Variants in TTYH3 observed in about 807,000 individuals in gnomAD.
TTYH3 encodes the protein protein tweety homolog 3.
A neutral mutation model predicts 68.2 loss-of-function variants in TTYH3; 23 were observed. The ratio of observed to expected loss-of-function variants is 0.34; its 90% CI spans 0.24 to 0.48. The LOEUF (loss-of-function observed/expected upper bound fraction) is 0.48. Among genes scored for constraint, TTYH3 ranks in the 20% least tolerant of loss-of-function variants. The pLI is 0.99. For synonymous variants in TTYH3, 360 were observed against 332.8 expected (o/e 1.08, Z -0.89); for missense variants, 768 against 727.7 (o/e 1.06, Z -0.64).
intron 8 of TTYH3, 29 bp downstream of exon 8, chr7:2,652,271 T>C: frequency 6.2e-7 from 1 of 1,604,446 alleles, no homozygotes; most frequent in Non-Finnish European, 8.5e-7. Flanking sequence ...GGGACTGGGC[T>C]TCAGGAGAGT....
intron 1 of TTYH3, among the ~76,000 whole-genome samples, chr7:2,643,588 C>G (rs909683891): frequency 6.6e-6 from 1 of 152,224 alleles, no homozygotes; most frequent in African/African-American, 2.4e-5. Context: ...CCCTGGGCAT[C>G]AGCCCTCTGC....
At chr7:2,637,257 C>T (rs1228412348) in intron 1 of TTYH3, among the ~76,000 whole-genome samples, 2 of 152,170 alleles carry the variant, frequency 1.3e-5, no homozygotes, top group African/African-American at 4.8e-5. Context: ...GCCGCTCTGA[C>T]CCCCGGCCGG....
chr7:2,643,333 C>G (rs10273972), intron 1 of TTYH3, among the ~76,000 whole-genome samples: 1 of 145,818 alleles, frequency 6.9e-6, no homozygotes. Context: ...CCAGCCTGGG[C>G]GACAGAGCGA....
intron 1 of TTYH3, among the ~76,000 whole-genome samples, chr7:2,637,503 C>T (rs536582559): frequency 5.0e-4 from 76 of 152,172 alleles, no homozygotes; most frequent in Non-Finnish European, 1.0e-3. Flanking sequence ...CCACGTCCGT[C>T]CCAGTGGATA....
chr7:2,645,936 C>T lies in TTYH3; in HGVS notation c.124-917C>T, dbSNP rs1163627436. The T allele has an allele frequency of 2.2e-6, 1 of 449,528 alleles. No homozygotes were observed. The highest frequency in any genetic ancestry group is 4.6e-6 in the Non-Finnish European group (1 of 215,568). 27.8% of individuals were successfully genotyped at this position (449,528 alleles called of 1,614,324 possible). A position where few individuals can be genotyped will look rare whatever the true frequency, so the allele number is the denominator to read the frequency against. On this transcript the variant is annotated intron_variant, in intron 1 of 13. Coordinates refer to ENST00000258796, the MANE Select transcript of TTYH3 (RefSeq NM_025250.3). This position sits in a 1 kb window ranked among gnomAD's most constrained non-coding sequence, Gnocchi z 4.8. Reference sequence around the variant, plus strand: ...GGGGACGGGCTCTGGGGTCCTGGGGCTGTCTCGGGCTGGGGGTGAGGACAG... The same window carrying T: ...GGGGACGGGCTCTGGGGTCCTGGGGTTGTCTCGGGCTGGGGGTGAGGACAG...
chr7:2,638,422 C>T (rs974124480), intron 1 of TTYH3, among the ~76,000 whole-genome samples: 2 of 152,086 alleles, frequency 1.3e-5, no homozygotes, highest in African/African-American at 4.8e-5. Flanking sequence ...GAAAGGGGCC[C>T]GGCCTGTGGG....
chr7:2,656,588 G>A, intron 11 of TTYH3, 54 bp downstream of exon 11: 2 of 1,575,586 alleles, frequency 1.3e-6, no homozygotes, highest in Non-Finnish European at 1.7e-6. Flanking sequence ...TGGCATGCGG[G>A]ACACTTCAGG....
At chr7:2,660,866 A>G (rs1318409176) in intron 13 of TTYH3, among the ~76,000 whole-genome samples, 2 of 152,152 alleles carry the variant, frequency 1.3e-5, no homozygotes, top group African/African-American at 4.8e-5. Context: ...GCCTCAGCAC[A>G]TGCCTCGCAC....
rs1785948248 is a variant in TTYH3 at position 2,645,203 on chromosome 7, T to TC, written c.124-1645dup. Among the ~76,000 whole-genome samples the TC allele has an allele frequency of 5.3e-5, 8 of 151,582 alleles. No homozygotes were observed. In the South Asian group the frequency reaches 1.7e-3, roughly 32 times the overall value. ...CAGCCCTGTATCAGCTCCCCATCCCTCCCCCGGCACAGGAAGTGTGTGGAG... is the reference window on the plus strand; with the variant it reads ...CAGCCCTGTATCAGCTCCCCATCCCTCCCCCCGGCACAGGAAGTGTGTGGAG... On this transcript the variant is annotated intron_variant, in intron 1 of 13. Transcript: ENST00000258796. The surrounding 1 kb of genome is among the most constrained non-coding windows in gnomAD (Gnocchi z 4.8).
chr7:2,652,126 G>A (rs1786198196), intron 7 of TTYH3, 61 bp from the exon 8 acceptor site: 27 of 1,436,914 alleles, frequency 1.9e-5, no homozygotes, highest in Middle Eastern at 3.5e-4. Flanking sequence ...ACAGGCAGAC[G>A]TGCACGCAGT....
At chr7:2,656,222 G>A in intron 10 of TTYH3, 38 bp downstream of exon 10, 1 of 1,554,390 alleles carries the variant, frequency 6.4e-7, no homozygotes, top group Non-Finnish European at 8.7e-7. Context: ...ATGGCAGCTT[G>A]TAGGGTGGGA....
intron 12 of TTYH3, 119 bp from the exon 13 acceptor site, chr7:2,658,821 C>A (rs1786410157): frequency 2.1e-6 from 2 of 969,086 alleles, no homozygotes; most frequent in East Asian, 2.4e-5. Context: ...TTCGTGGGAC[C>A]CCCAGTGAGA....
At chr7:2,656,983 A>G (rs1376740247) in intron 11 of TTYH3, among the ~76,000 whole-genome samples, 3 of 152,358 alleles carry the variant, frequency 2.0e-5, no homozygotes, top group African/African-American at 7.2e-5. Context: ...TAGTCCAGGT[A>G]GCTGTGGCCT....
intron 13 of TTYH3, chr7:2,660,352 T>C (rs1786461420): frequency 1.0e-6 from 1 of 985,356 alleles, no homozygotes; most frequent in Non-Finnish European, 1.2e-6. Flanking sequence ...GAGGAATCCA[T>C]GCACCCAGAC....
At position 2,649,769 on chromosome 7, in the gene TTYH3, A is replaced by G; in HGVS notation, c.795+130A>G. The G allele has an allele frequency of 2.8e-6, 4 of 1,420,240 alleles. No individual in the cohort carries two copies. The Admixed American group carries it at 7.2e-5, about 26-fold the overall frequency. 88.0% of individuals were successfully genotyped at this position (1,420,240 alleles called of 1,614,324 possible). On this transcript the variant is annotated intron_variant, in intron 6 of 13. Transcript: ENST00000258796. Reference sequence around the variant, plus strand: ...GTCCCGAGAGCGGTGGGGACCCACCATGGGCACAGTCCACCTGTAACCCCA... The same window carrying G: ...GTCCCGAGAGCGGTGGGGACCCACCGTGGGCACAGTCCACCTGTAACCCCA...
chr7:2,652,933 C>A lies in TTYH3; in HGVS notation c.943C>A (p.His315Asn). Residue 315 changes from histidine to asparagine, a missense_variant, in exon 9 of 14, where the codon CAC becomes AAC. His to Asn is a moderately conservative substitution (Grantham distance 68). Transcript: ENST00000258796. ...TCTGGAGCAGAAGCTGTCGGGCAGC[C>A]ACAAGGCACTGGTGGAGATGCAGGA... ...NPFQQKLSGSHKALVEMQDVV... is the reference protein window; with the variant it reads ...NPFQQKLSGSNKALVEMQDVV... The A allele has an allele frequency of 6.4e-7, 1 of 1,571,850 alleles. No homozygotes were observed. Among genetic ancestry groups the A allele is most frequent in the African/African-American group, 1.3e-5 (1 of 74,748 alleles).
chr7:2,652,132 G>A (rs1341486518), intron 7 of TTYH3, 55 bp from the exon 8 acceptor site: 16 of 1,494,112 alleles, frequency 1.1e-5, no homozygotes, highest in African/African-American at 9.6e-5. Context: ...AGACGTGCAC[G>A]CAGTCTCACA....
At position 2,646,975 on chromosome 7, in the gene TTYH3, C is replaced by A. The variant is rs756228709; in HGVS notation, c.246C>A (p.Asp82Glu). Residue 82 changes from aspartate (D) to glutamate (E), a missense_variant, in exon 2 of 14, where the codon GAC (aspartate) becomes GAA (glutamate). Transcript: ENST00000258796. ...AGAGCGAGGAGCACCTGGACGCCGA[C>A]TGCTGCTGCACGGCCTGGTGTGTCA... ...RRKSEEHLDADCCCTAWCVII... is the reference protein window; with the variant it reads ...RRKSEEHLDAECCCTAWCVII... 1.9e-6 allele frequency: 3 copies of A among 1,595,294 alleles called. No homozygotes were observed. Among genetic ancestry groups the A allele is most frequent in the South Asian group, 1.1e-5 (1 of 89,118 alleles).
chr7:2,634,784 T>C (rs886138597), intron 1 of TTYH3, among the ~76,000 whole-genome samples: 1 of 152,050 alleles, frequency 6.6e-6, no homozygotes, highest in Non-Finnish European at 1.5e-5. Flanking sequence ...GAGTTGTCCA[T>C]TGTACAGATT....
Sources: allele counts gnomAD v4.1 joint callset (sites outside exome capture counted in the v4.1 genomes callset), GRCh38; gene constraint gnomAD v4.1.1; non-coding constraint Gnocchi (gnomAD v3.1); transcripts MANE v1.5; gene names NCBI Gene and HGNC (gene_info 2026-07-23, HGNC 2026-07-21).